Variants in CDK14 observed in about 807,000 individuals in gnomAD.
CDK14 encodes the protein cyclin dependent kinase 14, also known as cyclin-dependent kinase 14.
CDK14 carries 34 observed loss-of-function variants against 60.7 expected under a neutral mutation model. The observed-to-expected ratio is 0.56, with a 90% CI of 0.43 to 0.75. The LOEUF is 0.75. CDK14 is among the 30% of genes least tolerant of loss of function. CDK14 has a pLI of 0.00. For synonymous variants in CDK14, 197 were observed against 203.7 expected (o/e 0.97, Z 0.28); for missense variants, 482 against 564.1 (o/e 0.85, Z 1.47).
rs116006354 is a variant in CDK14 at position 90,877,612 on chromosome 7, C to G, written c.639+14343C>G. On this transcript the variant is annotated intron_variant, in intron 6 of 14. Transcript: ENST00000380050. ...TGTTTCTCCCCCTTCTATTTTATTA[C>G]CCTTTTTACTTGGATAAGGAAGTTA... Among the ~76,000 whole-genome samples the G allele has an allele frequency of 2.4e-3, 370 of 152,176 alleles. 2 individuals are homozygous for G. Among genetic ancestry groups the G allele is most frequent in the African/African-American group, 8.6e-3 (357 of 41,468 alleles).
chr7:90,658,877 G>A (rs1176943132), intron 2 of CDK14, among the ~76,000 whole-genome samples: 3 of 152,066 alleles, frequency 2.0e-5, no homozygotes, highest in Non-Finnish European at 2.9e-5. Context: ...TGAATCGGGG[G>A]TAGTTTCTTT....
intron 5 of CDK14, among the ~76,000 whole-genome samples, chr7:90,847,764 TG>T (rs1216821391): frequency 6.6e-6 from 1 of 152,254 alleles, no homozygotes; most frequent in African/African-American, 2.4e-5. Flanking sequence ...AATATTTTAC[TG>T]TTTATGAAGA....
intron 8 of CDK14, among the ~76,000 whole-genome samples, chr7:90,923,970 C>A (rs903981243): frequency 3.9e-5 from 6 of 152,186 alleles, no homozygotes; most frequent in Non-Finnish European, 8.8e-5. Flanking sequence ...TGAAATGAAT[C>A]ACAGTGGATT....
chr7:90,687,145 CA>C (rs1425600334), intron 2 of CDK14, among the ~76,000 whole-genome samples: 1 of 151,262 alleles, frequency 6.6e-6, no homozygotes. Context: ...GTAATTTATT[CA>C]AAAAAAGATC....
At chr7:91,106,890 A>G (rs971185116) in intron 12 of CDK14, among the ~76,000 whole-genome samples, 1 of 152,208 alleles carries the variant, frequency 6.6e-6, no homozygotes, top group African/African-American at 2.4e-5. Context: ...TCTGAGGGGC[A>G]GTGGAGATTA....
intron 14 of CDK14, among the ~76,000 whole-genome samples, chr7:91,178,505 A>C (rs1433764462): frequency 6.7e-6 from 1 of 149,732 alleles, no homozygotes; most frequent in South Asian, 2.1e-4. Context: ...AAAAGAAACT[A>C]CCATCAGAGT....
intron 7 of CDK14, among the ~76,000 whole-genome samples, chr7:90,911,688 G>T (rs1242345518): frequency 6.6e-6 from 1 of 152,138 alleles, no homozygotes; most frequent in Non-Finnish European, 1.5e-5. Context: ...CACCTATTTA[G>T]ACTTCGGTGA....
intron 14 of CDK14, among the ~76,000 whole-genome samples, chr7:91,170,163 G>T (rs1229252800): frequency 6.6e-6 from 1 of 152,182 alleles, no homozygotes; most frequent in African/African-American, 2.4e-5. Flanking sequence ...AAATAGTGAT[G>T]CTATGATAAG....
At chr7:90,741,558 A>AGTAC (rs1468133463) in intron 3 of CDK14, among the ~76,000 whole-genome samples, 2 of 152,204 alleles carry the variant, frequency 1.3e-5, no homozygotes, top group Non-Finnish European at 2.9e-5. Flanking sequence ...AATTTTAATA[A>AGTAC]GTACCTGTTT....
chr7:91,133,916 A>C (rs1800188838), intron 14 of CDK14, among the ~76,000 whole-genome samples: 1 of 152,202 alleles, frequency 6.6e-6, no homozygotes, highest in Non-Finnish European at 1.5e-5. Context: ...TAACGTTTAA[A>C]GTACTTTCTG....
intron 8 of CDK14, among the ~76,000 whole-genome samples, chr7:90,935,722 C>G (rs1793732917): frequency 6.6e-6 from 1 of 151,798 alleles, no homozygotes; most frequent in South Asian, 2.1e-4. Context: ...ATATATGTGC[C>G]TTGTTTTAAA....
chr7:91,056,451 A>T (rs1797562768), intron 11 of CDK14, among the ~76,000 whole-genome samples: 1 of 152,128 alleles, frequency 6.6e-6, no homozygotes, highest in Non-Finnish European at 1.5e-5. Context: ...GTACATGTGC[A>T]CAATGTGCAG....
chr7:90,969,870 C>G (rs1403646432), intron 9 of CDK14, among the ~76,000 whole-genome samples: 1 of 151,766 alleles, frequency 6.6e-6, no homozygotes, highest in African/African-American at 2.4e-5. Flanking sequence ...GTTACCAGTC[C>G]AAATATTCCT....
At chr7:90,838,829 C>A (rs1395362168) in intron 5 of CDK14, among the ~76,000 whole-genome samples, 3 of 152,126 alleles carry the variant, frequency 2.0e-5, no homozygotes, top group Non-Finnish European at 2.9e-5. Context: ...GGAACATGGA[C>A]CCTCATCAGT....
At chr7:90,725,592 G>C (rs1218554096) in intron 2 of CDK14, among the ~76,000 whole-genome samples, 2 of 152,060 alleles carry the variant, frequency 1.3e-5, no homozygotes, top group Non-Finnish European at 2.9e-5. Context: ...TAGCATATAG[G>C]GATGTGGGAA....
At chr7:90,943,557 G>A (rs1252070922) in intron 8 of CDK14, among the ~76,000 whole-genome samples, 1 of 152,126 alleles carries the variant, frequency 6.6e-6, no homozygotes, top group Non-Finnish European at 1.5e-5. Flanking sequence ...AGGGCTGGTA[G>A]CTTGTATATT....
intron 3 of CDK14, among the ~76,000 whole-genome samples, chr7:90,736,267 G>T (rs949366132): frequency 1.3e-5 from 2 of 149,388 alleles, no homozygotes; most frequent in Non-Finnish European, 3.0e-5. Context: ...GTTCCTATTT[G>T]GCCATCTTGC....
intron 2 of CDK14, among the ~76,000 whole-genome samples, chr7:90,617,323 C>T (rs1387209341): frequency 4.0e-5 from 6 of 151,850 alleles, no homozygotes; most frequent in Admixed American, 1.3e-4. Context: ...ATCCAAACTA[C>T]GCTGCCTCCC....
chr7:91,084,411 C>T (rs77006038), intron 12 of CDK14, among the ~76,000 whole-genome samples: 5,231 of 152,274 alleles, frequency 0.034, 142 homozygotes, highest in Non-Finnish European at 0.055. Flanking sequence ...TTGGGCCTCT[C>T]CTGCCCACTG....
Sources: allele counts gnomAD v4.1 joint callset (sites outside exome capture counted in the v4.1 genomes callset), GRCh38; gene constraint gnomAD v4.1.1; transcripts MANE v1.5; gene names NCBI Gene and HGNC (gene_info 2026-07-23, HGNC 2026-07-21).